PLEKHG4B: variants seen among roughly 807,000 people sequenced by gnomAD.
PLEKHG4B encodes the protein pleckstrin homology and RhoGEF domain containing G4B.
A neutral mutation model predicts 121.3 loss-of-function variants in PLEKHG4B; 111 were observed. That is an observed-to-expected ratio of 0.92 (90% CI 0.78 to 1.07). The LOEUF (loss-of-function observed/expected upper bound fraction) is 1.07. PLEKHG4B is among the 50% of genes least tolerant of loss of function. PLEKHG4B has a pLI of 0.00. For missense variants in PLEKHG4B, 1,831 were observed against 1,757.8 expected, an observed-to-expected ratio of 1.04 and a Z score of -0.74; for synonymous variants, 738 against 725.0, an observed-to-expected ratio of 1.02 and a Z score of -0.29.
chr5:145,608 C>T (rs919161224), intron 6 of PLEKHG4B, among the ~76,000 whole-genome samples: 1 of 152,224 alleles, frequency 6.6e-6, no homozygotes, highest in Admixed American at 6.5e-5. Context: ...GCGCACCCAC[C>T]TCAGCCTCCC....
chr5:163,237 C>T lies in PLEKHG4B; in HGVS notation c.3165C>T (p.Asp1055=). The T allele has an allele frequency of 1.2e-6, 2 of 1,607,908 alleles. No individual in the cohort carries two copies. Among genetic ancestry groups the T allele is most frequent in the Non-Finnish European group, 1.7e-6 (2 of 1,177,510 alleles). Residue 1055 remains aspartate, a synonymous_variant, in exon 13 of 20, where the codon GAC becomes GAT. Transcript: ENST00000637938. Reference sequence around the variant, plus strand: ...GGGCCACCACGGCCCACCTGGAGGACAGCTCTGCCTGTTCCTCTGAGCCCA... The same window carrying T: ...GGGCCACCACGGCCCACCTGGAGGATAGCTCTGCCTGTTCCTCTGAGCCCA... ...GAGATTAHLE[D]SSACSSEPTQ...
Position 156,912 on chromosome 5 carries a change from G to A in PLEKHG4B, c.2487+1G>A. On this transcript the variant is annotated splice_donor_variant, in intron 11 of 19. Transcript: ENST00000637938. LOFTEE classifies it high-confidence loss of function. This position sits in a 1 kb window ranked among gnomAD's most constrained non-coding sequence, Gnocchi z 4.4. ...GTCACTCCTGGAAGGGAATGACCAG[G>A]TCAGAGCTGCAGGAGGAAGGCGGCC... 1 of 1,611,574 alleles carries A rather than the reference G, an allele frequency of 6.2e-7. No individual in the cohort carries two copies. Among genetic ancestry groups the A allele is most frequent in the South Asian group, 1.1e-5 (1 of 90,440 alleles).
chr5:105,294 TG>T (rs1288897942), intron 1 of PLEKHG4B, among the ~76,000 whole-genome samples: 4 of 152,342 alleles, frequency 2.6e-5, no homozygotes, highest in Admixed American at 2.6e-4. Flanking sequence ...GAAGCTGCTT[TG>T]GAAGGGTGTT....
In PLEKHG4B at chr5:172,954, G is replaced by A. The variant is rs780136138; in HGVS notation, c.4108G>A (p.Gly1370Arg). 52 of 1,614,048 alleles carry A rather than the reference G, an allele frequency of 3.2e-5. No individual in the cohort carries two copies. The highest frequency in any genetic ancestry group is 5.3e-5 in the African/African-American group (4 of 74,900). Residue 1370 changes from glycine (G) to arginine (R), a missense_variant, in exon 17 of 20, where the codon GGG becomes AGG. By Grantham distance (125) the Gly-to-Arg change is moderately radical. Coordinates refer to ENST00000637938, the MANE Select transcript of PLEKHG4B (RefSeq NM_052909.5). Reference sequence around the variant, plus strand: ...CCGGGATGAGTTTATCGTTTGCTGCGGGAGGAAGAAGTATCTGAGGCATGT... The same window carrying A: ...CCGGGATGAGTTTATCGTTTGCTGCAGGAGGAAGAAGTATCTGAGGCATGT... ...RCRDEFIVCC[G>R]RKKYLRHVFL...
rs116556660 is a variant in PLEKHG4B at position 169,898 on chromosome 5, C to T, written c.3729+306C>T. The stretch of plus-strand genomic sequence containing the variant: ...AGCAGCCCTTCTCCTTTACCACTTC[C>T]AGCTGATAGGCCAGAAGCAGTTCCC... On this transcript the variant is annotated intron_variant, in intron 14 of 19. Coordinates refer to ENST00000637938, the MANE Select transcript of PLEKHG4B (RefSeq NM_052909.5). Among the ~76,000 whole-genome samples, 324 of 152,332 alleles carry T rather than the reference C, an allele frequency of 2.1e-3. 2 individuals are homozygous for T. The highest frequency in any genetic ancestry group is 7.3e-3 in the African/African-American group (302 of 41,576).
chr5:111,482 CGGTGGCCCTGGAGAA>C (rs1734155995), intron 1 of PLEKHG4B, among the ~76,000 whole-genome samples: 1 of 152,172 alleles, frequency 6.6e-6, no homozygotes, highest in Admixed American at 6.5e-5. Context: ...GCGGTTGAGA[CGGTGGCCCTGGAGAA>C]GGTGGCCCTG....
intron 2 of PLEKHG4B, among the ~76,000 whole-genome samples, chr5:123,741 A>G (rs888573364): frequency 6.6e-6 from 1 of 152,106 alleles, no homozygotes; most frequent in Non-Finnish European, 1.5e-5. Flanking sequence ...AGTAACATGA[A>G]TCTTCTTTTT....
intron 2 of PLEKHG4B, among the ~76,000 whole-genome samples, chr5:123,801 A>G (rs1734534498): frequency 6.6e-6 from 1 of 152,098 alleles, no homozygotes; most frequent in Admixed American, 6.5e-5. Context: ...TTTCCAAAGA[A>G]CCAATTGTTG....
rs58539762 is a variant in PLEKHG4B at position 158,315 on chromosome 5, C to T, written c.2487+1404C>T. Among the ~76,000 whole-genome samples, 128 of 96,274 alleles carry T rather than the reference C, an allele frequency of 1.3e-3. 1 individual carries two copies. Among genetic ancestry groups the T allele is most frequent in the Non-Finnish European group, 2.4e-3 (117 of 49,504 alleles). 63.2% of individuals were successfully genotyped at this position (96,274 alleles called of 152,430 possible). A position where few individuals can be genotyped will look rare whatever the true frequency, so the allele number is the denominator to read the frequency against. On this transcript the variant is annotated intron_variant, in intron 11 of 19. Transcript: ENST00000637938. ...ATCCTGGGGGTCTCCTCCATCTCCT[C>T]TCCTCCCTCTGCCCATCCTGGGGGT...
rs1483611559 is a variant in PLEKHG4B, at chr5:137,428, C to T, written c.244-2055C>T. Among the ~76,000 whole-genome samples, 1 of 152,146 alleles carries T rather than the reference C, an allele frequency of 6.6e-6. No homozygotes were observed. Among genetic ancestry groups the T allele is most frequent in the Non-Finnish European group, 1.5e-5 (1 of 68,006 alleles). On this transcript the variant is annotated intron_variant, in intron 2 of 19. Transcript: ENST00000637938. The surrounding 1 kb of genome is among the most constrained non-coding windows in gnomAD (Gnocchi z 4.2). ...GAACTTCACATTATATCTGTTTACA[C>T]ACACACACACCCTCCTCCCCACAGT...
chr5:161,008 C>T (rs934039941), intron 11 of PLEKHG4B, among the ~76,000 whole-genome samples: 11 of 152,214 alleles, frequency 7.2e-5, no homozygotes, highest in Non-Finnish European at 1.2e-4. Context: ...TTCTGATGGT[C>T]ATGGATCCAG....
Position 156,978 on chromosome 5 carries a change from C to T in PLEKHG4B, c.2487+67C>T. On this transcript the variant is annotated intron_variant, in intron 11 of 19. Transcript: ENST00000637938. The surrounding 1 kb of genome is among the most constrained non-coding windows in gnomAD (Gnocchi z 4.4). ...CCAGGCCAGGCTGGCCAAGGCAACCCTCTCACCTTCACACTGTGTCTTTAG... is the reference window on the plus strand; with the variant it reads ...CCAGGCCAGGCTGGCCAAGGCAACCTTCTCACCTTCACACTGTGTCTTTAG... The T allele has an allele frequency of 4.5e-6, 7 of 1,571,822 alleles. No individual in the cohort carries two copies. The highest frequency in any genetic ancestry group is 6.1e-6 in the Non-Finnish European group (7 of 1,154,916).
In PLEKHG4B at chr5:113,379, G is replaced by A. The variant is rs1734214844; in HGVS notation, c.174G>A (p.Gly58=). ...SVAERCHGGD[G]LHCLTSFLLP... ...CCGAGAGGTGCCACGGTGGGGACGGGCTGCACTGCCTCACCAGCTTCCTCC... is the reference window on the plus strand; with the variant it reads ...CCGAGAGGTGCCACGGTGGGGACGGACTGCACTGCCTCACCAGCTTCCTCC... Residue 58 remains glycine (G), a synonymous_variant, in exon 2 of 20, where the codon GGG becomes GGA. Coordinates refer to ENST00000637938, the MANE Select transcript of PLEKHG4B (RefSeq NM_052909.5). This position sits in a 1 kb window ranked among gnomAD's most constrained non-coding sequence, Gnocchi z 5.2. 3 of 399,196 alleles carry A rather than the reference G, an allele frequency of 7.5e-6. No individual in the cohort carries two copies. The East Asian group carries it at 1.1e-4, about 14-fold the overall frequency. 24.7% of individuals were successfully genotyped at this position (399,196 alleles called of 1,614,324 possible). A position where few individuals can be genotyped will look rare whatever the true frequency, so the allele number is the denominator to read the frequency against.
intron 2 of PLEKHG4B, among the ~76,000 whole-genome samples, chr5:122,767 A>T (rs13436694): frequency 0.071 from 10,840 of 152,142 alleles, 672 homozygotes; most frequent in African/African-American, 0.17. Context: ...ACCTAAAAAA[A>T]TGGGAAAATA....
At position 169,592 on chromosome 5, in the gene PLEKHG4B, C is replaced by T. The variant is rs774600725; in HGVS notation, c.3729C>T (p.His1243=). ...CCGTGGGCCGCAGTTTCCTGAGACACGTAAGTGCAGGCCATGGCGTGGGTG... is the reference window on the plus strand; with the variant it reads ...CCGTGGGCCGCAGTTTCCTGAGACATGTAAGTGCAGGCCATGGCGTGGGTG... The part of the protein sequence containing the change: ...PLAVGRSFLR[H]EEQFGMYVIY... Residue 1243 remains histidine, a splice_region_variant and synonymous_variant, in exon 14 of 20, where the codon CAC becomes CAT. Coordinates refer to ENST00000637938, the MANE Select transcript of PLEKHG4B (RefSeq NM_052909.5). The T allele has an allele frequency of 9.3e-6, 15 of 1,612,682 alleles. No homozygotes were observed. The highest frequency in any genetic ancestry group is 6.7e-5 in the East Asian group (3 of 44,896).
chr5:136,325 A>C (rs1734983155), intron 2 of PLEKHG4B, among the ~76,000 whole-genome samples: 1 of 152,224 alleles, frequency 6.6e-6, no homozygotes, highest in South Asian at 2.1e-4. Context: ...GGCTTCATCC[A>C]ATGTTTTAAA....
At chr5:92,691 T>C (rs1733504117) in intron 1 of PLEKHG4B, among the ~76,000 whole-genome samples, 1 of 151,574 alleles carries the variant, frequency 6.6e-6, no homozygotes, top group Admixed American at 6.6e-5. Flanking sequence ...AATAACGCTT[T>C]CTGGACAGAT....
chr5:167,459 C>T (rs1039600237), intron 13 of PLEKHG4B, among the ~76,000 whole-genome samples: 1 of 146,138 alleles, frequency 6.8e-6, no homozygotes, highest in Non-Finnish European at 1.5e-5. Flanking sequence ...AATCTGCCAA[C>T]TCCCATTGGT....
chr5:181,883 A>G, intron 19 of PLEKHG4B, 121 bp from the exon 20 acceptor site: 10 of 1,316,632 alleles, frequency 7.6e-6, no homozygotes, highest in Non-Finnish European at 8.5e-6. Context: ...GGTGGGTTGG[A>G]TGGGCATGAC....
Sources: gnomAD v4.1 joint callset for allele counts (sites outside exome capture counted in the v4.1 genomes callset) on GRCh38, gnomAD v4.1.1 for gene constraint, Gnocchi (gnomAD v3.1) non-coding constraint, MANE v1.5 for transcripts, NCBI Gene and HGNC (gene_info 2026-07-23, HGNC 2026-07-21) for gene names.